Variants in KIF27 observed in about 807,000 individuals in gnomAD.
KIF27 encodes the protein kinesin-like protein KIF27.
KIF27 carries 84 observed loss-of-function variants against 141.8 expected under a neutral mutation model. That is an observed-to-expected ratio of 0.59 (90% confidence interval 0.50 to 0.71). The LOEUF is 0.71. KIF27 is among the 30% of genes least tolerant of loss of function. The pLI, the probability that KIF27 is intolerant of heterozygous loss-of-function variation, is 0.00. For synonymous variants in KIF27, 471 were observed against 569.5 expected (o/e 0.83, Z 2.46); for missense variants, 1,306 against 1,628.4 (o/e 0.80, Z 3.41).
rs541096852 is a variant in KIF27, at chr9:83,853,389, C to T, written c.3357+240G>A. ...TGGTTTTAAAAACTTTCAAAAAGGA[C>T]TTCTTTTGAAAGGCCCTCCAACTTT... On this transcript the variant is annotated intron_variant, in intron 15 of 17. Transcript: ENST00000297814. Among the ~76,000 whole-genome samples, 3 of 152,216 alleles carry T rather than the reference C, an allele frequency of 2.0e-5. No homozygotes were observed. In the South Asian group the frequency reaches 6.2e-4, roughly 32 times the overall value.
chr9:83,866,712 C>T (rs1950380524), intron 13 of KIF27, among the ~76,000 whole-genome samples: 1 of 152,022 alleles, frequency 6.6e-6, no homozygotes, highest in African/African-American at 2.4e-5. Context: ...CCAGTCTCTA[C>T]TAAAAATACA....
chr9:83,856,088 G>T (rs1193283386), intron 14 of KIF27, among the ~76,000 whole-genome samples: 1 of 152,136 alleles, frequency 6.6e-6, no homozygotes, highest in Non-Finnish European at 1.5e-5. Flanking sequence ...GTTATCAAGA[G>T]TTGACTCTGC....
rs745814565 is a variant in KIF27 at position 83,891,516 on chromosome 9, G to T, written c.1603-15C>A. 1 of 1,592,744 alleles carries T rather than the reference G, an allele frequency of 6.3e-7. No individual in the cohort carries two copies. The highest frequency in any genetic ancestry group is 1.1e-5 in the South Asian group (1 of 88,798). ...ATTTTTTCATTCTTTGTAGAAGAGAGATGAAAATTTTTAATATAGAGCACT... is the reference window on the plus strand; with the variant it reads ...ATTTTTTCATTCTTTGTAGAAGAGATATGAAAATTTTTAATATAGAGCACT... On this transcript the variant is annotated splice_polypyrimidine_tract_variant and intron_variant, in intron 5 of 17. Coordinates refer to ENST00000297814, the MANE Select transcript of KIF27 (RefSeq NM_017576.4).
intron 16 of KIF27, among the ~76,000 whole-genome samples, chr9:83,842,726 A>T (rs571657802): frequency 6.6e-6 from 1 of 152,130 alleles, no homozygotes; most frequent in Non-Finnish European, 1.5e-5. Flanking sequence ...TCGGCCTCCC[A>T]AAGTGCTGGG....
intron 3 of KIF27, 73 bp from the exon 4 acceptor site, chr9:83,904,091 C>T: frequency 3.4e-6 from 4 of 1,178,674 alleles, no homozygotes; most frequent in Non-Finnish European, 4.8e-6. Context: ...TTACCATTTG[C>T]TAAACAGCCT....
rs1216749502 is a variant in KIF27 at position 83,903,287 on chromosome 9, A to G, written c.1231T>C (p.Tyr411His). ...AAGGCTTCTTCTACACAACACTGGT[A>G]ACCCAGACATTCTCCTTGAAGCTGA... ...VAQLQGECLGYQCCVEEAFTF... is the reference protein window; with the variant it reads ...VAQLQGECLGHQCCVEEAFTF... Residue 411 changes from tyrosine (Y) to histidine (H), a missense_variant, in exon 4 of 18, where the codon TAC becomes CAC. Coordinates refer to ENST00000297814, the MANE Select transcript of KIF27 (RefSeq NM_017576.4). The G allele has an allele frequency of 1.9e-6, 3 of 1,614,228 alleles. No homozygotes were observed. Among genetic ancestry groups the G allele is most frequent in the Non-Finnish European group, 2.5e-6 (3 of 1,180,036 alleles).
intron 3 of KIF27, among the ~76,000 whole-genome samples, chr9:83,904,620 C>T (rs961496136): frequency 1.3e-5 from 2 of 152,198 alleles, no homozygotes; most frequent in Non-Finnish European, 2.9e-5. Context: ...ATCCACCTGC[C>T]TTGGCCTCCC....
intron 16 of KIF27, among the ~76,000 whole-genome samples, chr9:83,848,132 C>CAT (rs200035673): frequency 0.024 from 928 of 38,006 alleles, 306 homozygotes; most frequent in Middle Eastern, 0.069. Flanking sequence ...TCTGATATCT[C>CAT]ATATATGATA....
intron 1 of KIF27, among the ~76,000 whole-genome samples, chr9:83,920,061 G>A (rs1192280272): frequency 6.6e-6 from 1 of 152,104 alleles, no homozygotes; most frequent in African/African-American, 2.4e-5. Flanking sequence ...GTGAAACCCT[G>A]TCTCTACTAA....
chr9:83,844,353 T>TATATATATTTATATAGATATCC (rs1564273869), intron 16 of KIF27, among the ~76,000 whole-genome samples: 1 of 109,776 alleles, frequency 9.1e-6, no homozygotes, highest in Non-Finnish European at 2.0e-5. Flanking sequence ...TATAGATATC[T>TATATATATTTATATAGATATCC]ATATCTATAT....
intron 9 of KIF27, among the ~76,000 whole-genome samples, chr9:83,886,029 G>A (rs1952073649): frequency 6.6e-6 from 1 of 151,066 alleles, no homozygotes; most frequent in Non-Finnish European, 1.5e-5. Flanking sequence ...CATTCCTAGT[G>A]ACATATGTGC....
At chr9:83,916,062 T>C (rs1412332101) in intron 1 of KIF27, among the ~76,000 whole-genome samples, 1 of 152,172 alleles carries the variant, frequency 6.6e-6, no homozygotes, top group Non-Finnish European at 1.5e-5. Flanking sequence ...TTTTGTTTTT[T>C]GAGATGGAGT....
At chr9:83,855,236 C>T (rs1949064506) in intron 14 of KIF27, 1 of 152,240 alleles carries the variant, frequency 6.6e-6, no homozygotes, top group Admixed American at 6.5e-5. Context: ...GGTTTTGCCA[C>T]ATTGGCCAGG....
intron 2 of KIF27, among the ~76,000 whole-genome samples, chr9:83,911,675 G>A (rs1955182290): frequency 6.6e-6 from 1 of 151,968 alleles, no homozygotes; most frequent in African/African-American, 2.4e-5. Flanking sequence ...TCCAGTAGCT[G>A]GGATTACAGG....
rs1233871613 is a variant in KIF27 at position 83,835,620 on chromosome 9, T to G, written c.*1381A>C. 6.6e-6 allele frequency: 1 copy of G among 152,156 alleles called. No individual in the cohort carries two copies. The highest frequency in any genetic ancestry group is 6.5e-5 in the Admixed American group (1 of 15,268). The allele number at this position is 152,156 out of a possible 1,614,324, so 9.4% of individuals were successfully genotyped here. On this transcript the variant is annotated 3_prime_UTR_variant, in exon 18 of 18. Coordinates refer to ENST00000297814, the MANE Select transcript of KIF27 (RefSeq NM_017576.4). Reference sequence around the variant, plus strand: ...GGCTAGCAATGAGAGAAAGGAAGCCTTAAGTCTTTGAGCACAGGGTGACAG... The same window carrying G: ...GGCTAGCAATGAGAGAAAGGAAGCCGTAAGTCTTTGAGCACAGGGTGACAG...
At chr9:83,851,966 A>G (rs903949407) in intron 15 of KIF27, among the ~76,000 whole-genome samples, 3 of 150,742 alleles carry the variant, frequency 2.0e-5, no homozygotes, top group Non-Finnish European at 4.4e-5. Context: ...CATCTCTACT[A>G]AAAATACAAA....
At chr9:83,872,149 C>A (rs1306765830) in intron 11 of KIF27, among the ~76,000 whole-genome samples, 4 of 151,610 alleles carry the variant, frequency 2.6e-5, no homozygotes, top group Non-Finnish European at 5.9e-5. Flanking sequence ...CATGGGGAAA[C>A]CCCGTCTCTA....
intron 17 of KIF27, among the ~76,000 whole-genome samples, chr9:83,841,751 T>C (rs1946595085): frequency 6.6e-6 from 1 of 152,194 alleles, no homozygotes; most frequent in Non-Finnish European, 1.5e-5. Flanking sequence ...GCACTAAATC[T>C]ACATATCTAC....
At chr9:83,916,235 A>T in intron 1 of KIF27, among the ~76,000 whole-genome samples, 1 of 151,938 alleles carries the variant, frequency 6.6e-6, no homozygotes, top group East Asian at 1.9e-4. Flanking sequence ...GTTTCACCAT[A>T]TTGGCCAGGC....
Sources: gnomAD v4.1 joint callset for allele counts (sites outside exome capture counted in the v4.1 genomes callset) on GRCh38, gnomAD v4.1.1 for gene constraint, MANE v1.5 for transcripts, NCBI Gene and HGNC (gene_info 2026-07-23, HGNC 2026-07-21) for gene names.